The following PUF60 variants were observed in gnomAD, a reference collection of about 807,000 sequenced individuals.
PUF60 encodes poly(U)-binding-splicing factor PUF60.
In PUF60, 10 loss-of-function variants were observed where a neutral mutation model predicts 61.8. The ratio of observed to expected loss-of-function variants is 0.16; its 90% CI spans 0.10 to 0.27. PUF60 has a LOEUF of 0.27. Among genes scored for constraint, PUF60 ranks in the 10% least tolerant of loss-of-function variants. PUF60 has a pLI of 1.00. For missense variants in PUF60, 371 were observed against 754.0 expected (o/e 0.49, Z 5.95); for synonymous variants, 353 against 300.9 (o/e 1.17, Z -1.79).
At chr8:143,827,207 G>A (rs1817730725) in intron 1 of PUF60, 2 of 357,074 alleles carry the variant, frequency 5.6e-6, no homozygotes, top group African/African-American at 2.1e-5. Flanking sequence ...GTGGCTATGA[G>A]CTATGCCAGG....
chr8:143,822,750 C>G (rs986255797), intron 2 of PUF60: 1 of 357,626 alleles, frequency 2.8e-6, no homozygotes, highest in East Asian at 7.5e-5. Flanking sequence ...GAGGGAAGAA[C>G]GCAGCTGTGT....
chr8:143,823,437 C>T (rs1349053731), intron 2 of PUF60, among the ~76,000 whole-genome samples: 2 of 152,266 alleles, frequency 1.3e-5, no homozygotes, highest in African/African-American at 4.8e-5. Context: ...CCAACCCCCT[C>T]AGCCCCCAGA....
intron 2 of PUF60, among the ~76,000 whole-genome samples, chr8:143,822,311 T>G (rs1817115189): frequency 6.6e-6 from 1 of 152,154 alleles, no homozygotes; most frequent in South Asian, 2.1e-4. Flanking sequence ...GGGCCACGGC[T>G]CTCTGGACGT....
chr8:143,828,495 C>G (rs1447612894), intron 1 of PUF60, among the ~76,000 whole-genome samples: 1 of 152,228 alleles, frequency 6.6e-6, no homozygotes, highest in African/African-American at 2.4e-5. Flanking sequence ...GTTAATAACG[C>G]CTGCCCTGCC....
chr8:143,819,842 C>CGTG (rs1816812268), intron 5 of PUF60, among the ~76,000 whole-genome samples: 2 of 152,182 alleles, frequency 1.3e-5, no homozygotes, highest in Non-Finnish European at 2.9e-5. Context: ...GGGCCCCACC[C>CGTG]CCAGGCAGGC....
chr8:143,817,962 G>A lies in PUF60; in HGVS notation c.717C>T (p.Asp239=), dbSNP rs750620466. The change falls in exon 8 of 12, where the codon GAC becomes GAT. Residue 239 remains aspartate, a synonymous_variant. Transcript: ENST00000526683. The surrounding 1 kb of genome is among the most constrained non-coding windows in gnomAD (Gnocchi z 7.4). ...CCTCAAACACGCTCTTGATGTCATC[G>A]TCTGAGAGGTCCTGGTGCACAGAGG... is the stretch of plus-strand genomic sequence containing the variant. The part of the protein sequence containing the change: ...YVASVHQDLS[D]DDIKSVFEAF... The A allele has an allele frequency of 5.1e-5, 82 of 1,612,762 alleles. No homozygotes were observed. The highest frequency in any genetic ancestry group is 6.4e-5 in the Non-Finnish European group (76 of 1,179,852).
intron 2 of PUF60, 106 bp downstream of exon 2, chr8:143,824,207 G>GC: frequency 4.1e-6 from 5 of 1,205,004 alleles, no homozygotes; most frequent in Non-Finnish European, 4.7e-6. Context: ...GGTTCCTCCC[G>GC]CCCCGCCCCC....
intron 2 of PUF60, chr8:143,822,622 G>C (rs1817154245): frequency 2.2e-6 from 1 of 455,484 alleles, no homozygotes; most frequent in African/African-American, 2.0e-5. Flanking sequence ...ACCCTAGCCA[G>C]GTGGGCCTGG....
At chr8:143,822,438 C>G (rs990388330) in intron 2 of PUF60, 4 of 453,626 alleles carry the variant, frequency 8.8e-6, no homozygotes, top group Non-Finnish European at 1.8e-5. Context: ...ACAAGGGCCT[C>G]TCTCCCAACA....
intron 2 of PUF60, among the ~76,000 whole-genome samples, chr8:143,823,698 G>A (rs968653859): frequency 2.0e-5 from 3 of 152,214 alleles, no homozygotes; most frequent in Non-Finnish European, 2.9e-5. Flanking sequence ...CGCTACCATG[G>A]AGAAGCACAA....
In PUF60 at chr8:143,816,360, C is replaced by G; in HGVS notation, c.*160G>C. The G allele has an allele frequency of 1.3e-6, 1 of 792,302 alleles. No individual in the cohort carries two copies. The highest frequency in any genetic ancestry group is 1.9e-5 in the South Asian group (1 of 54,050). The allele number at this position is 792,302 out of a possible 1,614,324, so 49.1% of individuals were successfully genotyped here. A position where few individuals can be genotyped will look rare whatever the true frequency, so the allele number is the denominator to read the frequency against. ...CGCCCAGGATCGGTGACAGGACCGA[C>G]GGCAGACACACGGACGTTCAGGGCC... On this transcript the variant is annotated 3_prime_UTR_variant, in exon 12 of 12. Transcript: ENST00000526683.
chr8:143,821,969 GC>G (rs1817072361), intron 2 of PUF60, 56 bp from the exon 3 acceptor site: 4 of 1,394,176 alleles, frequency 2.9e-6, no homozygotes, highest in Non-Finnish European at 2.9e-6. Flanking sequence ...CCTTCACGTG[GC>G]CCCAGGAGGG....
intron 1 of PUF60, chr8:143,827,666 A>T: frequency 3.0e-6 from 1 of 334,542 alleles, no homozygotes; most frequent in South Asian, 2.2e-5. Flanking sequence ...CACAGGCTAC[A>T]GCTCACTCCT....
intron 2 of PUF60, among the ~76,000 whole-genome samples, chr8:143,823,448 C>T (rs1817254654): frequency 6.6e-6 from 1 of 152,262 alleles, no homozygotes. Context: ...AGCCCCCAGA[C>T]ATTTTTCAAT....
At chr8:143,827,973 T>C (rs1457495273) in intron 1 of PUF60, among the ~76,000 whole-genome samples, 1 of 152,224 alleles carries the variant, frequency 6.6e-6, no homozygotes, top group African/African-American at 2.4e-5. Flanking sequence ...TCCTTCACCA[T>C]CAACTCTCTG....
chr8:143,816,762 C>T lies in PUF60; in HGVS notation c.1438G>A (p.Glu480Lys). ...VDPKDIDDDL[E>K]GEVTEECGKF... ...CCACACTCCTCTGTCACCTCCCCTT[C>T]CAGGTCATCATCGATGTCCTTGGGG... The change falls in exon 12 of 12, where the codon GAA (glutamate) becomes AAA (lysine). Residue 480 changes from glutamate (E) to lysine (K), a missense_variant. Glu to Lys is a moderately conservative substitution (Grantham distance 56, BLOSUM62 1). This residue lies in a region of PUF60 where 38 missense variants were observed against 112.9 expected (regional missense o/e 0.34). Transcript: ENST00000526683. 6.2e-7 allele frequency: 1 copy of T among 1,613,752 alleles called. No homozygotes were observed. Among genetic ancestry groups the T allele is most frequent in the African/African-American group, 1.3e-5 (1 of 75,062 alleles).
intron 3 of PUF60, 27 bp from the exon 4 acceptor site, chr8:143,821,713 TG>T (rs1209368798): frequency 6.5e-7 from 1 of 1,547,246 alleles, no homozygotes. Flanking sequence ...TGAGGAGCAC[TG>T]GGGGCCCAGC....
At chr8:143,824,445 C>A in intron 1 of PUF60, 46 bp from the exon 2 acceptor site, 1 of 1,580,848 alleles carries the variant, frequency 6.3e-7, no homozygotes, top group Middle Eastern at 1.7e-4. Flanking sequence ...CACCACCCCA[C>A]CGCCCAGGCC....
chr8:143,822,233 A>C (rs1276988873), intron 2 of PUF60, among the ~76,000 whole-genome samples: 1 of 151,868 alleles, frequency 6.6e-6, no homozygotes, highest in African/African-American at 2.4e-5. Context: ...TGTCAGTCTG[A>C]CCCCAGAGCT....
Sources: allele counts gnomAD v4.1 joint callset (sites outside exome capture counted in the v4.1 genomes callset), GRCh38; gene constraint gnomAD v4.1.1; regional missense constraint gnomAD v4.1.1; non-coding constraint Gnocchi (gnomAD v3.1); transcripts MANE v1.5; gene names NCBI Gene and HGNC (gene_info 2026-07-23, HGNC 2026-07-21).